AKNAD1: variants seen among roughly 807,000 people sequenced by gnomAD.
AKNAD1 encodes protein AKNAD1.
Under a neutral mutation model 90.8 loss-of-function variants are expected in AKNAD1, and 67 were observed. The observed-to-expected ratio is 0.74, with a 90% confidence interval of 0.61 to 0.90. The LOEUF is 0.90. Ranked by LOEUF, AKNAD1 falls within the 40% of genes least tolerant of loss-of-function variation. The probability of loss-of-function intolerance (pLI) is 0.00; values close to 1 mark genes in which losing one functional copy is unlikely to be tolerated. For synonymous variants in AKNAD1, 327 were observed against 341.4 expected, an observed-to-expected ratio of 0.96 and a Z score of 0.46; for missense variants, 957 against 975.4, an observed-to-expected ratio of 0.98 and a Z score of 0.25.
upstream of AKNAD1, chr1:108,857,499 C>A (rs1665082868): frequency 6.6e-6 from 1 of 152,654 alleles, no homozygotes; most frequent in African/African-American, 2.4e-5. Flanking sequence ...TTGTTTCCGG[C>A]TGGTAGGTGA....
At chr1:108,854,834 C>T (rs1393701830) in intron 1 of AKNAD1, among the ~76,000 whole-genome samples, 4 of 152,148 alleles carry the variant, frequency 2.6e-5, no homozygotes, top group Admixed American at 6.5e-5. Flanking sequence ...GATCTGAATA[C>T]TCTGGCTTCT....
chr1:108,849,302 G>A (rs1169472454), intron 3 of AKNAD1, among the ~76,000 whole-genome samples: 1 of 151,682 alleles, frequency 6.6e-6, no homozygotes, highest in Admixed American at 6.6e-5. Context: ...GCAACAAAGT[G>A]AGACCCCACA....
In AKNAD1 at chr1:108,848,945, C is replaced by T; in HGVS notation, c.1149G>A (p.Lys383=). The T allele has an allele frequency of 6.2e-7, 1 of 1,608,158 alleles. No individual in the cohort carries two copies. Among genetic ancestry groups the T allele is most frequent in the South Asian group, 1.1e-5 (1 of 89,194 alleles). ...KISQGKQMCQ[K]LKEQTDQLKT... ...TCAGTTGATCAGTCTGTTCTTTCAACTTCTGACACATCTGTTTCCCTTGGG... is the reference window on the plus strand; with the variant it reads ...TCAGTTGATCAGTCTGTTCTTTCAATTTCTGACACATCTGTTTCCCTTGGG... The change falls in exon 4 of 16, where the codon AAG becomes AAA. Residue 383 remains lysine (K), a synonymous_variant. Coordinates refer to ENST00000370001, the MANE Select transcript of AKNAD1 (RefSeq NM_152763.5).
chr1:108,831,645 CT>C (rs869205220), intron 9 of AKNAD1, among the ~76,000 whole-genome samples: 13,705 of 141,010 alleles, frequency 0.097, 569 homozygotes, highest in Non-Finnish European at 0.12. Flanking sequence ...CTACCTGTGA[CT>C]TTTTTTTTTT....
chr1:108,845,803 C>T (rs766419377), intron 5 of AKNAD1, among the ~76,000 whole-genome samples: 76 of 151,952 alleles, frequency 5.0e-4, no homozygotes, highest in Non-Finnish European at 3.5e-4. Context: ...GTGGGATGTC[C>T]GAAGTGAAGA....
intron 14 of AKNAD1, chr1:108,817,497 A>ATTTTTTTTTTTTTTTTTTTTTTTTTTTTT (rs10681740): frequency 1.7e-5 from 1 of 60,334 alleles, no homozygotes; most frequent in African/African-American, 6.8e-5. Flanking sequence ...TTTTTTTTTA[A>ATTTTTTTTTTTTTTTTTTTTTTTTTTTTT]TTTTTTTTTT....
chr1:108,825,710 CA>C (rs1663975401), intron 11 of AKNAD1, among the ~76,000 whole-genome samples: 2 of 151,242 alleles, frequency 1.3e-5, no homozygotes, highest in African/African-American at 2.4e-5. Context: ...TTTGCTTGTG[CA>C]AATCATTTAG....
At position 108,825,688 on chromosome 1, in the gene AKNAD1, T is replaced by C. The variant is rs183046520; in HGVS notation, c.1936+1517A>G. Among the ~76,000 whole-genome samples, 448 of 151,774 alleles carry C rather than the reference T, an allele frequency of 3.0e-3. 4 individuals carry two copies. The highest frequency in any genetic ancestry group is 0.01 in the African/African-American group (424 of 41,508). ...GGTAGAGAAGTACTAATGTATAGAT[T>C]ACTAGTCATTTTTTGCTTGTGCAAA... On this transcript the variant is annotated intron_variant, in intron 11 of 15. Coordinates refer to ENST00000370001, the MANE Select transcript of AKNAD1 (RefSeq NM_152763.5).
chr1:108,832,970 G>T (rs926713255), intron 9 of AKNAD1, among the ~76,000 whole-genome samples: 9 of 152,070 alleles, frequency 5.9e-5, no homozygotes, highest in African/African-American at 2.2e-4. Context: ...CAATCCTAGG[G>T]TTTTATTCTA....
chr1:108,843,160 T>C lies in AKNAD1; in HGVS notation c.1353A>G (p.Thr451=), dbSNP rs760655164. 6.2e-7 allele frequency: 1 copy of C among 1,614,172 alleles called. No individual in the cohort carries two copies. Among genetic ancestry groups the C allele is most frequent in the South Asian group, 1.1e-5 (1 of 91,074 alleles). The part of the protein sequence containing the change: ...LQQQVHKHES[T]IVGDFDPERK... ...TTTCTGGATCAAAGTCACCAACGAT[T>C]GTTGATTCGTGCTTGTGGACTTGCT... Residue 451 remains threonine, a synonymous_variant, in exon 6 of 16, where the codon ACA becomes ACG. Transcript: ENST00000370001.
In AKNAD1 at chr1:108,854,090, A is replaced by ACAGCCC. The variant is rs1400528542; in HGVS notation, c.-103-1329_-103-1324dup. Among the ~76,000 whole-genome samples the ACAGCCC allele has an allele frequency of 1.3e-5, 2 of 152,214 alleles. 1 individual carries two copies. The highest frequency in any genetic ancestry group is 3.8e-4 in the East Asian group (2 of 5,202). ...CCCTGAACAACCCCTGCCAGCCACC[A>ACAGCCC]CAGCCCAGGCGGCGGTCTGGTGGTA... On this transcript the variant is annotated intron_variant, in intron 1 of 15. Coordinates refer to ENST00000370001, the MANE Select transcript of AKNAD1 (RefSeq NM_152763.5).
At chr1:108,856,550 A>T (rs1455625432) in intron 1 of AKNAD1, among the ~76,000 whole-genome samples, 1 of 151,866 alleles carries the variant, frequency 6.6e-6, no homozygotes, top group Admixed American at 6.6e-5. Context: ...GAAAAAAAAA[A>T]TTAAAAATTA....
chr1:108,816,551 G>A (rs1310533126), intron 15 of AKNAD1, among the ~76,000 whole-genome samples: 1 of 152,156 alleles, frequency 6.6e-6, no homozygotes, highest in Non-Finnish European at 1.5e-5. Context: ...GGTGAGGTCA[G>A]CCGCCAGCTG....
At position 108,827,087 on chromosome 1, in the gene AKNAD1, A is replaced by G. The variant is rs796167029; in HGVS notation, c.1936+118T>C. 11 of 724,660 alleles carry G rather than the reference A, an allele frequency of 1.5e-5. 1 individual carries two copies. The African/African-American group carries it at 1.8e-4, about 12-fold the overall frequency. 44.9% of individuals were successfully genotyped at this position (724,660 alleles called of 1,614,324 possible). On this transcript the variant is annotated intron_variant, in intron 11 of 15. Transcript: ENST00000370001. ...CAAATAAATAAATACAACATGCAAC[A>G]TCCTAGTGTAGGGAAATGCTCTTGG...
intron 11 of AKNAD1, among the ~76,000 whole-genome samples, chr1:108,824,541 C>A (rs908392365): frequency 1.3e-5 from 2 of 151,318 alleles, no homozygotes; most frequent in African/African-American, 2.4e-5. Context: ...GTTTGAAGGC[C>A]CAGGGTTGAA....
At chr1:108,827,610 C>G (rs888765811) in intron 10 of AKNAD1, among the ~76,000 whole-genome samples, 4 of 150,028 alleles carry the variant, frequency 2.7e-5, no homozygotes, top group Non-Finnish European at 5.9e-5. Context: ...GTCAGGAGAT[C>G]GAGACCATCC....
In AKNAD1 at chr1:108,834,457, G is replaced by A. The variant is rs762311421; in HGVS notation, c.1736C>T (p.Ser579Phe). 13 of 1,610,104 alleles carry A rather than the reference G, an allele frequency of 8.1e-6. No homozygotes were observed. The African/African-American group carries it at 1.7e-4, about 21-fold the overall frequency. The change falls in exon 9 of 16, where the codon TCT becomes TTT. Residue 579 changes from serine (S) to phenylalanine (F), a missense_variant. Physicochemically the swap from Ser to Phe is radical, Grantham distance 155. Transcript: ENST00000370001. ...KPDQVAMRLS[S>F]NSGEDPNGTP... ...GCTGCAGGACATTACCCCAGAGTTA[G>A]AAGACAGCCTCATGGCCACTTGGTC...
chr1:108,834,867 G>A (rs979579401), intron 8 of AKNAD1, 62 bp downstream of exon 8: 3 of 1,493,434 alleles, frequency 2.0e-6, no homozygotes, highest in South Asian at 1.4e-5. Context: ...CCTGGAGGCT[G>A]CATGAGGAAG....
intron 5 of AKNAD1, 61 bp from the exon 6 acceptor site, chr1:108,843,328 C>CA: frequency 6.3e-7 from 1 of 1,588,352 alleles, no homozygotes; most frequent in Non-Finnish European, 8.6e-7. Context: ...ATTGTTTTCC[C>CA]AAAAACACAA....
Sources: allele counts gnomAD v4.1 joint callset (sites outside exome capture counted in the v4.1 genomes callset), GRCh38; gene constraint gnomAD v4.1.1; transcripts MANE v1.5; gene names NCBI Gene and HGNC (gene_info 2026-07-23, HGNC 2026-07-21).